The following RBFOX1 variants were observed in gnomAD, a reference collection of about 807,000 sequenced individuals.
RBFOX1 encodes RNA binding fox-1 homolog 1, also known as RNA binding protein fox-1 homolog 1.
In RBFOX1, 8 loss-of-function variants were observed where a neutral mutation model predicts 57.7. The ratio of observed to expected loss-of-function variants is 0.14; its 90% CI spans 0.08 to 0.25. The LOEUF (loss-of-function observed/expected upper bound fraction) is 0.25. Among genes scored for constraint, RBFOX1 ranks in the 10% least tolerant of loss-of-function variants. The probability of loss-of-function intolerance (pLI) is 1.00; values close to 1 mark genes in which losing one functional copy is unlikely to be tolerated. For missense variants in RBFOX1, 611 were observed against 548.5 expected (o/e 1.11, Z -1.14); for synonymous variants, 326 against 222.4 (o/e 1.47, Z -4.15).
At chr16:6,978,983 A>G (rs532446690) in intron 3 of RBFOX1, among the ~76,000 whole-genome samples, 2 of 152,206 alleles carry the variant, frequency 1.3e-5, no homozygotes, top group Non-Finnish European at 1.5e-5. Context: ...TAAGGCAGGC[A>G]AACTGTTGAC....
intron 1 of RBFOX1, among the ~76,000 whole-genome samples, chr16:6,131,238 C>A (rs750475175): frequency 6.6e-6 from 1 of 152,216 alleles, no homozygotes; most frequent in Non-Finnish European, 1.5e-5. Context: ...TGTGTGTACA[C>A]ATTTATCAAA....
intron 2 of RBFOX1, among the ~76,000 whole-genome samples, chr16:5,531,865 G>C (rs1420083417): frequency 2.0e-5 from 3 of 149,494 alleles, no homozygotes; most frequent in Non-Finnish European, 4.4e-5. Flanking sequence ...GCAGTGGTGC[G>C]ATTACAGCTC....
intron 4 of RBFOX1, among the ~76,000 whole-genome samples, chr16:7,186,238 T>A (rs1481021116): frequency 2.4e-5 from 3 of 124,542 alleles, no homozygotes; most frequent in Non-Finnish European, 4.8e-5. Flanking sequence ...ATAAACATAT[T>A]TATATAAACA....
At chr16:7,234,229 C>T (rs1332478133) in intron 4 of RBFOX1, among the ~76,000 whole-genome samples, 1 of 151,916 alleles carries the variant, frequency 6.6e-6, no homozygotes, top group African/African-American at 2.4e-5. Flanking sequence ...ATGCTGGAGG[C>T]AGAGGTTACT....
intron 3 of RBFOX1, among the ~76,000 whole-genome samples, chr16:6,685,666 T>G (rs542115745): frequency 1.3e-5 from 2 of 152,074 alleles, no homozygotes; most frequent in Non-Finnish European, 2.9e-5. Flanking sequence ...CCATACTTAT[T>G]GTAGAACATT....
chr16:6,681,544 T>C (rs1049837805), intron 3 of RBFOX1, among the ~76,000 whole-genome samples: 2 of 152,106 alleles, frequency 1.3e-5, no homozygotes, highest in Non-Finnish European at 2.9e-5. Context: ...ATCTCCAAAC[T>C]TTAGTCAGTT....
intron 2 of RBFOX1, among the ~76,000 whole-genome samples, chr16:6,361,691 G>C (rs569570457): frequency 7.4e-4 from 112 of 151,546 alleles, no homozygotes; most frequent in African/African-American, 2.6e-3. Flanking sequence ...GTTACCTGGA[G>C]AGCTTTACAA....
At chr16:5,910,373 T>C (rs1490523818) in intron 4 of RBFOX1, among the ~76,000 whole-genome samples, 1 of 152,210 alleles carries the variant, frequency 6.6e-6, no homozygotes, top group Non-Finnish European at 1.5e-5. Flanking sequence ...CAGAGCCTTC[T>C]TGACTGGAAG....
intron 2 of RBFOX1, among the ~76,000 whole-genome samples, chr16:5,572,716 TCAAA>T (rs2046322960): frequency 6.6e-6 from 1 of 151,960 alleles, no homozygotes; most frequent in African/African-American, 2.4e-5. Context: ...CAAAAGGTGG[TCAAA>T]CAAAGCCTCA....
intron 4 of RBFOX1, among the ~76,000 whole-genome samples, chr16:7,472,748 G>A (rs1177968895): frequency 6.6e-6 from 1 of 152,124 alleles, no homozygotes; most frequent in Non-Finnish European, 1.5e-5. Flanking sequence ...CCAGACTGTG[G>A]CAAAATTGTT....
intron 3 of RBFOX1, among the ~76,000 whole-genome samples, chr16:6,918,767 A>G (rs772118929): frequency 6.6e-5 from 10 of 152,140 alleles, no homozygotes; most frequent in African/African-American, 1.4e-4. Context: ...ATTATGGTTA[A>G]TTAATCTTGG....
At chr16:6,382,448 A>T (rs959481748) in intron 2 of RBFOX1, among the ~76,000 whole-genome samples, 2 of 152,242 alleles carry the variant, frequency 1.3e-5, no homozygotes, top group Admixed American at 6.5e-5. Context: ...TGGTATCGGT[A>T]GGTCTTCATC....
At chr16:7,286,786 G>A (rs2095659845) in intron 4 of RBFOX1, among the ~76,000 whole-genome samples, 1 of 151,778 alleles carries the variant, frequency 6.6e-6, no homozygotes, top group Non-Finnish European at 1.5e-5. Flanking sequence ...ACCATGCCTG[G>A]CTAATTTTGT....
intron 4 of RBFOX1, among the ~76,000 whole-genome samples, chr16:7,504,769 ATTT>A (rs2072536411): frequency 8.7e-5 from 1 of 11,436 alleles, no homozygotes; most frequent in African/African-American, 2.0e-4. Context: ...ATATATATAT[ATTT>A]ATATATATAT....
chr16:6,103,950 G>C (rs966684468), intron 1 of RBFOX1, among the ~76,000 whole-genome samples: 3 of 152,158 alleles, frequency 2.0e-5, no homozygotes, highest in African/African-American at 7.2e-5. Flanking sequence ...CTTCGCCCTA[G>C]CCATTGGGGC....
chr16:5,703,709 T>C (rs1263783917), intron 3 of RBFOX1, among the ~76,000 whole-genome samples: 1 of 152,214 alleles, frequency 6.6e-6, no homozygotes, highest in Non-Finnish European at 1.5e-5. Context: ...ATAATGTCTT[T>C]ATTGCATAAT....
chr16:7,667,401 C>A (rs2069712835), intron 13 of RBFOX1, among the ~76,000 whole-genome samples: 1 of 152,126 alleles, frequency 6.6e-6, no homozygotes, highest in African/African-American at 2.4e-5. Flanking sequence ...AGAAATATAT[C>A]ATAATCTTGA....
intron 4 of RBFOX1, among the ~76,000 whole-genome samples, chr16:7,081,313 G>C (rs959815942): frequency 1.1e-4 from 16 of 152,222 alleles, no homozygotes; most frequent in Admixed American, 5.9e-4. Flanking sequence ...GGGATTATAG[G>C]TGTGAGCCAC....
chr16:6,276,823 T>G (rs2075852046), intron 1 of RBFOX1, among the ~76,000 whole-genome samples: 1 of 152,154 alleles, frequency 6.6e-6, no homozygotes. Flanking sequence ...CTTTGCTTTT[T>G]TTTTTTTATT....
Sources: gnomAD v4.1 joint callset for allele counts (sites outside exome capture counted in the v4.1 genomes callset) on GRCh38, gnomAD v4.1.1 for gene constraint, MANE v1.5 for transcripts, NCBI Gene and HGNC (gene_info 2026-07-23, HGNC 2026-07-21) for gene names.